Variants in SAXO1 observed in about 807,000 individuals in gnomAD.
The protein encoded by SAXO1 is stabilizer of axonemal microtubules 1.
In SAXO1, 21 loss-of-function variants were observed where a neutral mutation model predicts 17.5. The observed-to-expected ratio is 1.20, with a 90% CI of 0.85 to 1.72. The LOEUF is 1.72. Ranked by LOEUF, SAXO1 falls within the 40% of genes most tolerant of loss-of-function variation. SAXO1 has a pLI of 0.00. For missense variants in SAXO1, 843 were observed against 596.0 expected (o/e 1.41, Z -4.32); for synonymous variants, 274 against 216.5 (o/e 1.27, Z -2.33).
Position 18,927,942 on chromosome 9 carries a change from T to C in SAXO1, c.*110A>G, listed in dbSNP as rs1830833509. On this transcript the variant is annotated 3_prime_UTR_variant, in exon 4 of 4. Coordinates refer to ENST00000380534, the MANE Select transcript of SAXO1 (RefSeq NM_153707.4). Reference sequence around the variant, plus strand: ...GTGCTCTGGAAGTGGTGAAGGTTTTTTGTTTTTTGTTTTTTGTCATTTTAG... The same window carrying C: ...GTGCTCTGGAAGTGGTGAAGGTTTTCTGTTTTTTGTTTTTTGTCATTTTAG... 1.6e-6 allele frequency: 2 copies of C among 1,255,762 alleles called. No homozygotes were observed. The highest frequency in any genetic ancestry group is 2.4e-5 in the East Asian group (1 of 42,002). 77.8% of individuals were successfully genotyped at this position (1,255,762 alleles called of 1,614,324 possible).
At chr9:18,934,690 T>C (rs866711614) in intron 3 of SAXO1, among the ~76,000 whole-genome samples, 1 of 152,238 alleles carries the variant, frequency 6.6e-6, no homozygotes, top group African/African-American at 2.4e-5. Flanking sequence ...TTGACTGCTT[T>C]TTCCCCCACC....
intron 2 of SAXO1, among the ~76,000 whole-genome samples, chr9:18,947,442 C>G (rs964882440): frequency 2.0e-5 from 3 of 152,162 alleles, no homozygotes; most frequent in Admixed American, 1.3e-4. Flanking sequence ...CCACACCCAT[C>G]AAGTCTGAAC....
chr9:18,963,073 T>A (rs1467118570), intron 1 of SAXO1, among the ~76,000 whole-genome samples: 7 of 152,232 alleles, frequency 4.6e-5, no homozygotes, highest in African/African-American at 1.7e-4. Flanking sequence ...CTCCATTGAT[T>A]GTTTTTGTCA....
chr9:19,041,500 C>G (rs1476817984), intron 1 of SAXO1, among the ~76,000 whole-genome samples: 1 of 152,026 alleles, frequency 6.6e-6, no homozygotes, highest in Non-Finnish European at 1.5e-5. Flanking sequence ...CTATCCTGAG[C>G]AAAAAGAACA....
At chr9:18,958,508 C>T (rs1381658383) in intron 1 of SAXO1, among the ~76,000 whole-genome samples, 1 of 151,996 alleles carries the variant, frequency 6.6e-6, no homozygotes, top group African/African-American at 2.4e-5. Flanking sequence ...GCAGGGCCAA[C>T]CCCTGAAGTA....
At chr9:19,030,595 A>T (rs1391126452) in intron 1 of SAXO1, among the ~76,000 whole-genome samples, 2 of 152,184 alleles carry the variant, frequency 1.3e-5, no homozygotes, top group African/African-American at 4.8e-5. Flanking sequence ...AATCCCAGCT[A>T]CTTGGGAGGC....
intron 3 of SAXO1, 82 bp downstream of exon 3, chr9:18,941,555 G>A: frequency 1.3e-6 from 2 of 1,507,062 alleles, no homozygotes; most frequent in Non-Finnish European, 1.8e-6. Flanking sequence ...CACTAACTGA[G>A]TATGCACATA....
chr9:19,033,438 G>T (rs780592834), upstream of SAXO1, among the ~76,000 whole-genome samples: 1 of 152,244 alleles, frequency 6.6e-6, no homozygotes. Flanking sequence ...ACGGTCACAC[G>T]TGCAGAAAAG....
chr9:19,000,053 A>C (rs1217874212), intron 1 of SAXO1, among the ~76,000 whole-genome samples: 11 of 108,392 alleles, frequency 1.0e-4, no homozygotes, highest in South Asian at 3.4e-4. Context: ...CCCAGCCGCC[A>C]CAACATCTGG....
At chr9:18,938,647 CA>C (rs1831406514) in intron 3 of SAXO1, among the ~76,000 whole-genome samples, 1 of 152,054 alleles carries the variant, frequency 6.6e-6, no homozygotes, top group Non-Finnish European at 1.5e-5. Context: ...GGCAGAGACC[CA>C]AACCCTGTCA....
Position 18,960,132 on chromosome 9 carries a change from G to A in SAXO1, c.39-9195C>T, listed in dbSNP as rs935578966. Among the ~76,000 whole-genome samples the A allele has an allele frequency of 3.3e-5, 5 of 152,154 alleles. No homozygotes were observed. The South Asian group carries it at 1.0e-3, about 32-fold the overall frequency. ...TTCCGGCCCCTCCCCCCTTGGCAAT[G>A]AAAAGGAAAAAGAGTTTCTTCTGTG... On this transcript the variant is annotated intron_variant, in intron 1 of 3. Coordinates refer to ENST00000380534, the MANE Select transcript of SAXO1 (RefSeq NM_153707.4).
chr9:19,021,141 C>T (rs927563480), intron 1 of SAXO1, among the ~76,000 whole-genome samples: 3 of 152,232 alleles, frequency 2.0e-5, no homozygotes, highest in African/African-American at 4.8e-5. Flanking sequence ...GAGACAGCCT[C>T]ATGCCAGAAG....
At chr9:19,047,142 G>C (rs1836237429) in intron 1 of SAXO1, among the ~76,000 whole-genome samples, 3 of 152,118 alleles carry the variant, frequency 2.0e-5, no homozygotes, top group Non-Finnish European at 2.9e-5. Flanking sequence ...AGCCGAGATA[G>C]TGCCACTGCA....
At chr9:18,992,758 T>C (rs1833861064) in intron 1 of SAXO1, among the ~76,000 whole-genome samples, 1 of 144,408 alleles carries the variant, frequency 6.9e-6, no homozygotes, top group Non-Finnish European at 1.5e-5. Flanking sequence ...GTGTATATTC[T>C]AATGACTTAA....
chr9:19,000,937 G>C (rs1834240138), intron 1 of SAXO1, among the ~76,000 whole-genome samples: 1 of 151,826 alleles, frequency 6.6e-6, no homozygotes, highest in Non-Finnish European at 1.5e-5. Flanking sequence ...GATTCATAAA[G>C]CAAGTTCTTA....
At chr9:19,023,048 G>T (rs932518499) in intron 1 of SAXO1, among the ~76,000 whole-genome samples, 1 of 152,132 alleles carries the variant, frequency 6.6e-6, no homozygotes, top group Non-Finnish European at 1.5e-5. Context: ...AGAAAGGGCA[G>T]AGAGCCTCCC....
At chr9:19,041,650 A>C (rs7874721) in intron 1 of SAXO1, among the ~76,000 whole-genome samples, 127,965 of 151,714 alleles carry the variant, frequency 0.84, 54,246 homozygotes, top group African/African-American at 0.92. Flanking sequence ...TATACATCAA[A>C]AGTTAACTCA....
chr9:18,972,096 G>T (rs1185906338), intron 1 of SAXO1, among the ~76,000 whole-genome samples: 1 of 152,196 alleles, frequency 6.6e-6, no homozygotes, highest in Non-Finnish European at 1.5e-5. Flanking sequence ...GAATGCAGAG[G>T]ATTTAAAGAG....
At chr9:18,939,743 A>G (rs945405594) in intron 3 of SAXO1, among the ~76,000 whole-genome samples, 1 of 152,246 alleles carries the variant, frequency 6.6e-6, no homozygotes, top group Non-Finnish European at 1.5e-5. Context: ...TTTTATCGTA[A>G]TAGGATCATA....
Sources: gnomAD v4.1 joint callset for allele counts (sites outside exome capture counted in the v4.1 genomes callset) on GRCh38, gnomAD v4.1.1 for gene constraint, MANE v1.5 for transcripts, NCBI Gene and HGNC (gene_info 2026-07-23, HGNC 2026-07-21) for gene names.